GRID1: variants seen among roughly 807,000 people sequenced by gnomAD.
GRID1 encodes glutamate receptor ionotropic, delta-1.
GRID1 carries 28 observed loss-of-function variants against 98.0 expected under a neutral mutation model. The observed-to-expected ratio is 0.29, with a 90% CI of 0.21 to 0.39. The LOEUF is 0.39. Among genes scored for constraint, GRID1 ranks in the 10% least tolerant of loss-of-function variants. The pLI is 1.00. For missense variants in GRID1, 1,111 were observed against 1,340.5 expected (o/e 0.83, Z 2.67); for synonymous variants, 553 against 538.5 (o/e 1.03, Z -0.37).
At chr10:86,311,173 G>A (rs992367853) in intron 2 of GRID1, among the ~76,000 whole-genome samples, 8 of 152,132 alleles carry the variant, frequency 5.3e-5, no homozygotes, top group African/African-American at 1.4e-4. Context: ...CTACTGAGCC[G>A]GAGTTATTCC....
chr10:85,971,087 T>C (rs1043977527), intron 4 of GRID1, among the ~76,000 whole-genome samples: 3 of 151,942 alleles, frequency 2.0e-5, no homozygotes, highest in African/African-American at 7.2e-5. Context: ...CCATTTACAG[T>C]AGTATGAAAA....
intron 2 of GRID1, among the ~76,000 whole-genome samples, chr10:86,358,597 A>C (rs1448976591): frequency 1.3e-5 from 2 of 151,872 alleles, no homozygotes; most frequent in Non-Finnish European, 2.9e-5. Context: ...TCTCTACTAA[A>C]AATACAAAAA....
chr10:85,775,202 C>T (rs921676925), intron 8 of GRID1, among the ~76,000 whole-genome samples: 3 of 152,062 alleles, frequency 2.0e-5, no homozygotes, highest in African/African-American at 7.2e-5. Flanking sequence ...TGGAAATCAT[C>T]ATTCTCAGTA....
At chr10:86,005,217 T>C (rs1343989457) in intron 4 of GRID1, among the ~76,000 whole-genome samples, 3 of 152,118 alleles carry the variant, frequency 2.0e-5, no homozygotes, top group African/African-American at 7.2e-5. Context: ...GACTCTATGA[T>C]TGACCCACAG....
At chr10:85,948,309 A>G (rs1317498792) in intron 4 of GRID1, among the ~76,000 whole-genome samples, 1 of 152,226 alleles carries the variant, frequency 6.6e-6, no homozygotes, top group Non-Finnish European at 1.5e-5. Flanking sequence ...ATACTTGCCA[A>G]GGATAAAACA....
chr10:85,737,702 AT>A (rs201757237), intron 8 of GRID1, among the ~76,000 whole-genome samples: 185 of 96,950 alleles, frequency 1.9e-3, no homozygotes, highest in African/African-American at 9.6e-3. Context: ...ATATATATAT[AT>A]AACATACATG....
intron 4 of GRID1, among the ~76,000 whole-genome samples, chr10:86,062,638 C>T (rs1375892148): frequency 1.3e-5 from 2 of 152,202 alleles, no homozygotes; most frequent in Admixed American, 6.5e-5. Flanking sequence ...GGAGTCCCCA[C>T]CATGATTATT....
At chr10:85,833,079 C>T (rs1271558219) in intron 8 of GRID1, among the ~76,000 whole-genome samples, 1 of 152,170 alleles carries the variant, frequency 6.6e-6, no homozygotes, top group African/African-American at 2.4e-5. Context: ...GGCAGCTGGG[C>T]AGGACCAGCA....
At chr10:85,682,802 C>T (rs1408224843) in intron 12 of GRID1, among the ~76,000 whole-genome samples, 2 of 152,228 alleles carry the variant, frequency 1.3e-5, no homozygotes, top group Non-Finnish European at 2.9e-5. Flanking sequence ...ATCTGATGTG[C>T]AGCCAAGCTC....
At chr10:86,155,090 C>T (rs1845226103) in intron 3 of GRID1, among the ~76,000 whole-genome samples, 1 of 152,242 alleles carries the variant, frequency 6.6e-6, no homozygotes, top group South Asian at 2.1e-4. Context: ...ACAGAAGCCC[C>T]TCATTATTGT....
intron 3 of GRID1, among the ~76,000 whole-genome samples, chr10:86,173,521 T>C (rs1845525077): frequency 6.6e-6 from 1 of 152,152 alleles, no homozygotes; most frequent in Admixed American, 6.5e-5. Context: ...GTTTGATACA[T>C]CTCTTAAATC....
chr10:86,029,484 T>C (rs533488561), intron 4 of GRID1, among the ~76,000 whole-genome samples: 1 of 152,336 alleles, frequency 6.6e-6, no homozygotes, highest in African/African-American at 2.4e-5. Flanking sequence ...TAATCATTCT[T>C]GTACTTTATG....
chr10:86,119,028 A>C (rs1262073394), intron 4 of GRID1, among the ~76,000 whole-genome samples: 1 of 152,160 alleles, frequency 6.6e-6, no homozygotes, highest in East Asian at 1.9e-4. Flanking sequence ...AAACAAAAGG[A>C]CATTCAGTAA....
chr10:86,256,006 C>T (rs2132052092), intron 2 of GRID1, among the ~76,000 whole-genome samples: 1 of 152,338 alleles, frequency 6.6e-6, no homozygotes, highest in Non-Finnish European at 1.5e-5. Flanking sequence ...GATCACAGCC[C>T]TTGCCTTTCC....
intron 8 of GRID1, among the ~76,000 whole-genome samples, chr10:85,737,238 C>T (rs1841891904): frequency 1.3e-5 from 2 of 151,980 alleles, no homozygotes; most frequent in Admixed American, 1.3e-4. Flanking sequence ...TGTTAAGTGT[C>T]CAGAGGACAG....
At chr10:86,089,589 C>G (rs943753323) in intron 4 of GRID1, among the ~76,000 whole-genome samples, 7 of 152,056 alleles carry the variant, frequency 4.6e-5, no homozygotes, top group Non-Finnish European at 1.0e-4. Flanking sequence ...TAGATTCCAG[C>G]GCTGAGATGA....
intron 2 of GRID1, among the ~76,000 whole-genome samples, chr10:86,354,279 C>G (rs775052914): frequency 6.6e-6 from 1 of 152,238 alleles, no homozygotes. Flanking sequence ...TGTCTCAGCC[C>G]GGACCTGGGG....
At chr10:85,962,822 C>T (rs916333811) in intron 4 of GRID1, among the ~76,000 whole-genome samples, 11 of 152,196 alleles carry the variant, frequency 7.2e-5, no homozygotes, top group Admixed American at 3.3e-4. Flanking sequence ...CCTCTACACC[C>T]ATCCTTAATT....
intron 2 of GRID1, among the ~76,000 whole-genome samples, chr10:86,212,142 A>G (rs1463273202): frequency 6.6e-6 from 1 of 152,208 alleles, no homozygotes; most frequent in African/African-American, 2.4e-5. Flanking sequence ...GGCTGTGGGA[A>G]GCAATACCCC....
Sources: allele counts gnomAD v4.1 joint callset (sites outside exome capture counted in the v4.1 genomes callset), GRCh38; gene constraint gnomAD v4.1.1; transcripts MANE v1.5; gene names NCBI Gene and HGNC (gene_info 2026-07-23, HGNC 2026-07-21).